PEAK1: variants seen among roughly 807,000 people sequenced by gnomAD.
PEAK1 encodes the protein inactive tyrosine-protein kinase PEAK1.
In PEAK1, 54 loss-of-function variants were observed where a neutral mutation model predicts 124.7. The ratio of observed to expected loss-of-function variants is 0.43; its 90% CI spans 0.35 to 0.54. The LOEUF is 0.54. Ranked by LOEUF, PEAK1 falls within the 20% of genes least tolerant of loss-of-function variation. The pLI, the probability that PEAK1 is intolerant of heterozygous loss-of-function variation, is 0.01. For synonymous variants in PEAK1, 719 were observed against 760.0 expected (o/e 0.95, Z 0.89); for missense variants, 2,046 against 2,134.5 (o/e 0.96, Z 0.82).
chr15:77,420,308 AG>A (rs1483844353), upstream of PEAK1: 3 of 151,298 alleles, frequency 2.0e-5, no homozygotes, highest in African/African-American at 7.3e-5. Context: ...GGTCTCCCTC[AG>A]CCCCAGCGGG....
At chr15:77,413,674 G>T (rs568495134) in intron 1 of PEAK1, among the ~76,000 whole-genome samples, 1 of 152,164 alleles carries the variant, frequency 6.6e-6, no homozygotes, top group Non-Finnish European at 1.5e-5. Context: ...AATGGAAAAA[G>T]AATACTAGAA....
intron 1 of PEAK1, among the ~76,000 whole-genome samples, chr15:77,385,444 T>C (rs2069847273): frequency 6.6e-6 from 1 of 152,232 alleles, no homozygotes; most frequent in South Asian, 2.1e-4. Flanking sequence ...GATAGCTAAA[T>C]ATTAAACAAA....
intron 6 of PEAK1, among the ~76,000 whole-genome samples, chr15:77,212,403 A>G (rs1321187676): frequency 6.6e-6 from 1 of 152,222 alleles, no homozygotes; most frequent in East Asian, 1.9e-4. Context: ...TTGAGAAAAT[A>G]AAAAATTAGC....
At chr15:77,210,108 A>T (rs1049412883) in intron 6 of PEAK1, among the ~76,000 whole-genome samples, 25 of 152,302 alleles carry the variant, frequency 1.6e-4, no homozygotes, top group African/African-American at 6.0e-4. Context: ...ATCAAATAGG[A>T]TAACTAAGTG....
At chr15:77,361,604 G>A (rs945839120) in intron 2 of PEAK1, among the ~76,000 whole-genome samples, 3 of 152,142 alleles carry the variant, frequency 2.0e-5, no homozygotes, top group African/African-American at 7.2e-5. Context: ...CAGAGAAAAA[G>A]GAACTCTTAT....
rs371287020 is a variant in PEAK1, at chr15:77,250,719, C to T, written c.-115+1648G>A. Among the ~76,000 whole-genome samples, 25 of 151,822 alleles carry T rather than the reference C, an allele frequency of 1.6e-4. No individual in the cohort carries two copies. In the East Asian group the frequency reaches 1.9e-3, roughly 12 times the overall value. ...AAGTGCTGGGATTACAGGCGTATGC[C>T]ACTGCACCTGGCCTAATTTTTATAT... On this transcript the variant is annotated intron_variant, in intron 6 of 9. Transcript: ENST00000682557.
At chr15:77,244,288 T>TAGATATC (rs2060483233) in intron 6 of PEAK1, among the ~76,000 whole-genome samples, 1 of 152,224 alleles carries the variant, frequency 6.6e-6, no homozygotes, top group Admixed American at 6.5e-5. Context: ...ACTGAGGTAA[T>TAGATATC]TATCACAGAT....
intron 9 of PEAK1, 57 bp from the exon 10 acceptor site, chr15:77,115,376 A>G (rs2051271917): frequency 6.8e-7 from 1 of 1,461,008 alleles, no homozygotes; most frequent in Middle Eastern, 1.8e-4. Flanking sequence ...TTTATGATGT[A>G]TCAGGGAAGA....
chr15:77,200,558 T>G (rs181767839), intron 6 of PEAK1, among the ~76,000 whole-genome samples: 23 of 152,334 alleles, frequency 1.5e-4, no homozygotes, highest in African/African-American at 5.5e-4. Flanking sequence ...TATTAAAGTT[T>G]AAGAAGCACT....
At chr15:77,307,178 T>C (rs1237252352) in intron 2 of PEAK1, among the ~76,000 whole-genome samples, 1 of 152,090 alleles carries the variant, frequency 6.6e-6, no homozygotes, top group Non-Finnish European at 1.5e-5. Context: ...CCATGACCAA[T>C]AGCCAAGCCA....
intron 1 of PEAK1, chr15:77,417,459 CGGGGG>C: frequency 5.3e-6 from 2 of 377,656 alleles, no homozygotes; most frequent in Non-Finnish European, 6.1e-6. Flanking sequence ...GGATGCGGGG[CGGGGG>C]GGGAGGGGGG....
chr15:77,250,257 A>ATATATATTT (rs1372164177), intron 6 of PEAK1, among the ~76,000 whole-genome samples: 11 of 126,214 alleles, frequency 8.7e-5, no homozygotes, highest in East Asian at 4.0e-4. Context: ...ATATATATAT[A>ATATATATTT]TTTTTTTTTG....
intron 8 of PEAK1, among the ~76,000 whole-genome samples, chr15:77,135,127 C>T (rs1233855487): frequency 6.6e-6 from 1 of 152,148 alleles, no homozygotes; most frequent in African/African-American, 2.4e-5. Context: ...TCCTAGCCTC[C>T]ATAACTGTGA....
intron 1 of PEAK1, among the ~76,000 whole-genome samples, chr15:77,383,404 T>C (rs889551774): frequency 6.6e-6 from 1 of 152,200 alleles, no homozygotes; most frequent in Admixed American, 6.5e-5. Context: ...ACATCAGAGT[T>C]AAAACTTGCA....
intron 5 of PEAK1, among the ~76,000 whole-genome samples, chr15:77,253,560 T>A (rs1340286773): frequency 6.6e-6 from 1 of 152,220 alleles, no homozygotes; most frequent in Non-Finnish European, 1.5e-5. Context: ...ATTGTATGTC[T>A]ATTAACAATA....
intron 5 of PEAK1, among the ~76,000 whole-genome samples, chr15:77,259,489 C>T (rs561902647): frequency 1.4e-4 from 21 of 152,106 alleles, no homozygotes; most frequent in Non-Finnish European, 2.8e-4. Flanking sequence ...ATAGCAGACA[C>T]AGTTCATTTA....
intron 9 of PEAK1, among the ~76,000 whole-genome samples, chr15:77,124,731 G>A (rs1186772936): frequency 1.3e-5 from 2 of 152,110 alleles, no homozygotes; most frequent in Admixed American, 1.3e-4. Context: ...AAAATACTTA[G>A]TGGCTTCCCA....
intron 5 of PEAK1, among the ~76,000 whole-genome samples, chr15:77,261,410 T>G (rs2061432400): frequency 6.6e-6 from 1 of 151,936 alleles, no homozygotes; most frequent in Admixed American, 6.6e-5. Context: ...GAATAACCAA[T>G]GCAGAGAAGT....
At chr15:77,317,454 TA>T (rs1418634016) in intron 2 of PEAK1, among the ~76,000 whole-genome samples, 2 of 152,198 alleles carry the variant, frequency 1.3e-5, no homozygotes, top group Non-Finnish European at 2.9e-5. Context: ...CTTGCACATT[TA>T]TTTTTGTTTG....
Sources: gnomAD v4.1 joint callset for allele counts (sites outside exome capture counted in the v4.1 genomes callset) on GRCh38, gnomAD v4.1.1 for gene constraint, MANE v1.5 for transcripts, NCBI Gene and HGNC (gene_info 2026-07-23, HGNC 2026-07-21) for gene names.